The following LRRC61 variants were observed in gnomAD, a reference collection of about 807,000 sequenced individuals.
LRRC61 encodes leucine-rich repeat-containing protein 61.
Under a neutral mutation model 15.1 loss-of-function variants are expected in LRRC61, and 9 were observed. The observed-to-expected ratio is 0.60, with a 90% confidence interval of 0.36 to 1.04. LRRC61 has a LOEUF of 1.04. Among genes scored for constraint, LRRC61 ranks in the 50% least tolerant of loss-of-function variants. LRRC61 has a pLI of 0.01. For synonymous variants in LRRC61, 173 were observed against 158.6 expected (o/e 1.09, Z -0.68); for missense variants, 344 against 335.6 (o/e 1.03, Z -0.20).
At chr7:150,319,837 T>C (rs1254602728), upstream of LRRC61, among the ~76,000 whole-genome samples, 3 of 152,184 alleles carry the variant, frequency 2.0e-5, no homozygotes, top group Admixed American at 1.3e-4. Context: ...ATGCTGTATC[T>C]GGAAGCTCTA....
the LRRC61 span, among the ~76,000 whole-genome samples, chr7:150,315,396 C>T: frequency 4.6e-5 from 7 of 152,116 alleles, no homozygotes; most frequent in Admixed American, 1.3e-4. Context: ...ATGCTAGCAA[C>T]GCCTACAAAT....
intron 2 of LRRC61, chr7:150,334,115 C>G: frequency 2.0e-6 from 2 of 985,228 alleles, no homozygotes; most frequent in Non-Finnish European, 2.4e-6. Context: ...AGTTGCCTGC[C>G]TCTGTCTGCC....
chr7:150,311,941 A>G, the LRRC61 span, among the ~76,000 whole-genome samples: 1 of 152,204 alleles, frequency 6.6e-6, no homozygotes, highest in Non-Finnish European at 1.5e-5. Flanking sequence ...ATTTGGACTG[A>G]AAGAGGTTTT....
intron 2 of LRRC61, chr7:150,334,043 C>G: frequency 2.0e-6 from 2 of 985,348 alleles, no homozygotes; most frequent in Non-Finnish European, 2.4e-6. Flanking sequence ...ATTTCTGTCC[C>G]GGTGGGGTCT....
At position 150,337,574 on chromosome 7, in the gene LRRC61, G is replaced by A; in HGVS notation, c.713G>A (p.Ser238Asn). The change falls in exon 3 of 3, where the codon AGC becomes AAC. Residue 238 changes from serine to asparagine, a missense_variant. By Grantham distance (46) the Ser-to-Asn change is conservative. Transcript: ENST00000359623. ...QECWDLDRQA[S>N]DSLAQAEQVL... ...TGCTGGGACCTGGACCGCCAGGCCA[G>A]CGACAGCCTGGCCCAGGCGGAGCAG... 6.3e-7 allele frequency: 1 copy of A among 1,586,188 alleles called. No homozygotes were observed. The highest frequency in any genetic ancestry group is 8.6e-7 in the Non-Finnish European group (1 of 1,167,006).
At chr7:150,327,148 CT>C (rs59527488) in intron 2 of LRRC61, among the ~76,000 whole-genome samples, 400 of 142,488 alleles carry the variant, frequency 2.8e-3, no homozygotes, top group Middle Eastern at 3.6e-3. Context: ...TCTTTTTTAT[CT>C]TTTTTTTTTT....
chr7:150,312,530 G>T, the LRRC61 span, among the ~76,000 whole-genome samples: 2 of 152,164 alleles, frequency 1.3e-5, no homozygotes, highest in Non-Finnish European at 2.9e-5. Flanking sequence ...CTACATTAAA[G>T]CTAATATGCC....
At chr7:150,321,616 T>C (rs1797523710), upstream of LRRC61, among the ~76,000 whole-genome samples, 1 of 152,190 alleles carries the variant, frequency 6.6e-6, no homozygotes, top group South Asian at 2.1e-4. Flanking sequence ...GGTTCACGCC[T>C]GTAGTCTTAG....
chr7:150,325,250 G>A (rs1019742342), intron 1 of LRRC61, among the ~76,000 whole-genome samples: 6 of 152,198 alleles, frequency 3.9e-5, no homozygotes, highest in South Asian at 4.1e-4. Flanking sequence ...CCGCCCTGCC[G>A]TCACCCCGGC....
intron 2 of LRRC61, among the ~76,000 whole-genome samples, chr7:150,326,614 G>A (rs1007560656): frequency 6.6e-6 from 1 of 151,562 alleles, no homozygotes; most frequent in Non-Finnish European, 1.5e-5. Flanking sequence ...AGCCCAGGAG[G>A]CAGAGGTTGC....
the LRRC61 span, among the ~76,000 whole-genome samples, chr7:150,309,818 G>A: frequency 2.0e-5 from 3 of 152,222 alleles, no homozygotes; most frequent in African/African-American, 7.2e-5. Context: ...CTTTGCGGCT[G>A]AAGACTGATG....
intron 1 of LRRC61, among the ~76,000 whole-genome samples, chr7:150,325,569 C>T (rs1308299587): frequency 6.6e-6 from 1 of 152,218 alleles, no homozygotes; most frequent in Non-Finnish European, 1.5e-5. Flanking sequence ...CCTGCTCAAG[C>T]CATCTTCCTG....
upstream of LRRC61, among the ~76,000 whole-genome samples, chr7:150,321,643 G>A (rs1218515011): frequency 6.6e-6 from 1 of 152,186 alleles, no homozygotes; most frequent in African/African-American, 2.4e-5. Flanking sequence ...GGGAGACTGA[G>A]GCAGGAGAAT....
chr7:150,330,284 G>A lies in LRRC61; in HGVS notation c.-145+4274G>A. The A allele has an allele frequency of 4.7e-6, 3 of 644,972 alleles. No individual in the cohort carries two copies. The highest frequency in any genetic ancestry group is 8.3e-6 in the Non-Finnish European group (3 of 360,606). The allele number at this position is 644,972 out of a possible 1,614,324, so 40.0% of individuals were successfully genotyped here. Reference sequence around the variant, plus strand: ...ACCACCTGCTGGAGTGGCTGGTGGAGCAGCAGCAGCCCCTTCAAGAGTACA... The same window carrying A: ...ACCACCTGCTGGAGTGGCTGGTGGAACAGCAGCAGCCCCTTCAAGAGTACA... On this transcript the variant is annotated intron_variant, in intron 2 of 2. Coordinates refer to ENST00000359623, the MANE Select transcript of LRRC61 (RefSeq NM_001142928.2). The surrounding 1 kb of genome is among the most constrained non-coding windows in gnomAD (Gnocchi z 4.6).
At position 150,337,539 on chromosome 7, in the gene LRRC61, A is replaced by T. The variant is rs911769283; in HGVS notation, c.678A>T (p.Thr226=). ...LEEACRQFQD[T]LQECWDLDRQ... ...AGGCCTGCCGGCAGTTCCAGGACAC[A>T]CTGCAGGAGTGCTGGGACCTGGACC... Residue 226 remains threonine (T), a synonymous_variant, in exon 3 of 3, where the codon ACA becomes ACT. Transcript: ENST00000359623. The T allele has an allele frequency of 1.2e-6, 2 of 1,603,638 alleles. No individual in the cohort carries two copies. Among genetic ancestry groups the T allele is most frequent in the Admixed American group, 1.7e-5 (1 of 59,812 alleles).
Position 150,337,977 on chromosome 7 carries a change from C to A in LRRC61, c.*336C>A. 2.3e-6 allele frequency: 1 copy of A among 427,804 alleles called. No homozygotes were observed. Among genetic ancestry groups the A allele is most frequent in the Non-Finnish European group, 4.4e-6 (1 of 225,368 alleles). The allele number at this position is 427,804 out of a possible 1,614,324, so 26.5% of individuals were successfully genotyped here. ...GAAAGGTAGGGATGGGCCAGCCTCC[C>A]GTCTCAGCTGTTGGGAGACAGTAGG... On this transcript the variant is annotated 3_prime_UTR_variant, in exon 3 of 3. Coordinates refer to ENST00000359623, the MANE Select transcript of LRRC61 (RefSeq NM_001142928.2).
In LRRC61 at chr7:150,337,706, C is replaced by T; in HGVS notation, c.*65C>T. 2 of 1,468,322 alleles carry T rather than the reference C, an allele frequency of 1.4e-6. No individual in the cohort carries two copies. Among genetic ancestry groups the T allele is most frequent in the Non-Finnish European group, 1.8e-6 (2 of 1,099,434 alleles). 91.0% of individuals were successfully genotyped at this position (1,468,322 alleles called of 1,614,324 possible). A position where few individuals can be genotyped will look rare whatever the true frequency, so the allele number is the denominator to read the frequency against. On this transcript the variant is annotated 3_prime_UTR_variant, in exon 3 of 3. Coordinates refer to ENST00000359623, the MANE Select transcript of LRRC61 (RefSeq NM_001142928.2). The stretch of plus-strand genomic sequence containing the variant: ...GCTGCCCCCAGTTCCCCTCTCTGCC[C>T]CCACACTCGTCTTAGTTGCTTCACA...
intron 2 of LRRC61, among the ~76,000 whole-genome samples, chr7:150,334,411 A>C (rs1042202768): frequency 5.0e-5 from 6 of 119,068 alleles, no homozygotes; most frequent in African/African-American, 6.5e-5. Context: ...GTCAGCCTCC[A>C]CCTCTGCTGC....
the LRRC61 span, among the ~76,000 whole-genome samples, chr7:150,311,926 C>T: frequency 6.6e-6 from 1 of 152,222 alleles, no homozygotes; most frequent in African/African-American, 2.4e-5. Flanking sequence ...CATAACCATG[C>T]TGCCATTTGG....
Sources: gnomAD v4.1 joint callset for allele counts (sites outside exome capture counted in the v4.1 genomes callset) on GRCh38, gnomAD v4.1.1 for gene constraint, Gnocchi (gnomAD v3.1) non-coding constraint, MANE v1.5 for transcripts, NCBI Gene and HGNC (gene_info 2026-07-23, HGNC 2026-07-21) for gene names.